TMEM150C: variants seen among roughly 807,000 people sequenced by gnomAD.
TMEM150C encodes tentonin 3.
In TMEM150C, 10 loss-of-function variants were observed where a neutral mutation model predicts 29.9. That is an observed-to-expected ratio of 0.33 (90% CI 0.21 to 0.57). The LOEUF (loss-of-function observed/expected upper bound fraction) is 0.57, where lower values mean the gene tolerates loss of function less well. Among genes scored for constraint, TMEM150C ranks in the 20% least tolerant of loss-of-function variants. TMEM150C has a pLI of 0.88. For synonymous variants in TMEM150C, 101 were observed against 112.5 expected, an observed-to-expected ratio of 0.90 and a Z score of 0.64; for missense variants, 251 against 303.6, an observed-to-expected ratio of 0.83 and a Z score of 1.29.
chr4:82,539,009 G>A (rs1725110891), intron 1 of TMEM150C, among the ~76,000 whole-genome samples: 1 of 152,192 alleles, frequency 6.6e-6, no homozygotes, highest in South Asian at 2.1e-4. Context: ...CAAAGCTGCA[G>A]TGAGCTGAGA....
Position 82,503,897 on chromosome 4 carries a change from A to G in TMEM150C, c.80+681T>C, listed in dbSNP as rs7655329. Reference sequence around the variant, plus strand: ...CAAAAAACAAAAACATATCAGACCCAATCATGAATAACTGGACTATGAACT... The same window carrying G: ...CAAAAAACAAAAACATATCAGACCCGATCATGAATAACTGGACTATGAACT... On this transcript the variant is annotated intron_variant, in intron 2 of 7. Transcript: ENST00000449862. Among the ~76,000 whole-genome samples the G allele has an allele frequency of 7.9e-3, 1,206 of 152,252 alleles. 15 individuals carry two copies. The highest frequency in any genetic ancestry group is 0.028 in the African/African-American group (1,151 of 41,538).
chr4:82,508,289 C>T (rs867837803), intron 1 of TMEM150C, among the ~76,000 whole-genome samples: 6 of 152,024 alleles, frequency 3.9e-5, no homozygotes, highest in African/African-American at 1.2e-4. Flanking sequence ...ATATTCCATA[C>T]TCCTAAAATA....
rs145631863 is a variant in TMEM150C, at chr4:82,528,243, T to C, written c.-10-23576A>G. On this transcript the variant is annotated intron_variant, in intron 1 of 7. Transcript: ENST00000449862. Reference sequence around the variant, plus strand: ...ATGCTGGGCCATGAAGAATGAGTCATTCACCAGTGCAGGGGCTCTCGAACT... The same window carrying C: ...ATGCTGGGCCATGAAGAATGAGTCACTCACCAGTGCAGGGGCTCTCGAACT... 9.2e-5 allele frequency among the ~76,000 whole-genome samples: 14 copies of C among 152,340 alleles called. No homozygotes were observed. The East Asian group carries it at 2.7e-3, about 29-fold the overall frequency.
chr4:82,496,617 A>G (rs1442186875), intron 5 of TMEM150C, among the ~76,000 whole-genome samples: 6 of 152,218 alleles, frequency 3.9e-5, no homozygotes, highest in Non-Finnish European at 7.3e-5. Context: ...GCACACAACA[A>G]ATAAGATGGG....
At chr4:82,505,751 C>A (rs140616346) in intron 1 of TMEM150C, among the ~76,000 whole-genome samples, 1 of 151,984 alleles carries the variant, frequency 6.6e-6, no homozygotes, top group African/African-American at 2.4e-5. Context: ...ATATGTCTGG[C>A]GTTTTGGAGG....
Position 82,483,369 on chromosome 4 carries a change from A to C in TMEM150C, c.*2142T>G, listed in dbSNP as rs1196419694. The C allele has an allele frequency of 6.6e-6, 1 of 152,236 alleles. No homozygotes were observed. The highest frequency in any genetic ancestry group is 1.5e-5 in the Non-Finnish European group (1 of 68,040). The allele number at this position is 152,236 out of a possible 1,614,324, so 9.4% of individuals were successfully genotyped here. ...CTTTGTTCTTTGATAAAAATTTTAA[A>C]ATATAAAAATGAAAAAAAGAAACCC... On this transcript the variant is annotated 3_prime_UTR_variant, in exon 8 of 8. Coordinates refer to ENST00000449862, the MANE Select transcript of TMEM150C (RefSeq NM_001080506.3).
chr4:82,500,343 G>A (rs1723698732), intron 5 of TMEM150C, among the ~76,000 whole-genome samples: 1 of 152,212 alleles, frequency 6.6e-6, no homozygotes, highest in Admixed American at 6.5e-5. Context: ...TCTAACAAGG[G>A]CAGGCCTGGG....
intron 5 of TMEM150C, among the ~76,000 whole-genome samples, chr4:82,502,388 A>T (rs1360892228): frequency 6.6e-6 from 1 of 152,230 alleles, no homozygotes; most frequent in Non-Finnish European, 1.5e-5. Flanking sequence ...TAAATAAAGC[A>T]TTCTTTTCAA....
At chr4:82,559,470 G>C (rs1254192371) in intron 1 of TMEM150C, among the ~76,000 whole-genome samples, 1 of 152,062 alleles carries the variant, frequency 6.6e-6, no homozygotes, top group African/African-American at 2.4e-5. Context: ...CAGGAGAATC[G>C]CTTGAACCCA....
intron 1 of TMEM150C, among the ~76,000 whole-genome samples, chr4:82,513,227 G>T (rs946023837): frequency 6.6e-6 from 1 of 152,188 alleles, no homozygotes; most frequent in African/African-American, 2.4e-5. Context: ...CTGGGAAAAA[G>T]CTTCCAGAGG....
At chr4:82,517,756 T>C (rs1006055698) in intron 1 of TMEM150C, among the ~76,000 whole-genome samples, 2 of 152,340 alleles carry the variant, frequency 1.3e-5, no homozygotes, top group South Asian at 2.1e-4. Flanking sequence ...ATCTTGCAGA[T>C]GGCAGATCAT....
intron 1 of TMEM150C, among the ~76,000 whole-genome samples, chr4:82,556,495 T>A (rs56750217): frequency 0.027 from 4,085 of 152,288 alleles, 175 homozygotes; most frequent in African/African-American, 0.092. Context: ...AATACTACAG[T>A]AAGTGTTGTA....
chr4:82,555,207 A>G (rs757670944), intron 1 of TMEM150C, among the ~76,000 whole-genome samples: 2 of 152,200 alleles, frequency 1.3e-5, no homozygotes, highest in Non-Finnish European at 2.9e-5. Flanking sequence ...ATTGTTTTCT[A>G]TTTATTTTAT....
At chr4:82,488,834 G>C (rs180948035) in intron 7 of TMEM150C, among the ~76,000 whole-genome samples, 5 of 152,206 alleles carry the variant, frequency 3.3e-5, no homozygotes, top group Non-Finnish European at 7.4e-5. Flanking sequence ...GCCCAGGCTG[G>C]TCTTGAACTC....
intron 1 of TMEM150C, among the ~76,000 whole-genome samples, chr4:82,526,781 A>C: frequency 6.6e-6 from 1 of 152,122 alleles, no homozygotes; most frequent in East Asian, 1.9e-4. Flanking sequence ...TTAAAACTAG[A>C]TGGCCTCGCT....
intron 1 of TMEM150C, among the ~76,000 whole-genome samples, chr4:82,546,992 G>T (rs938079352): frequency 1.3e-5 from 2 of 152,030 alleles, no homozygotes; most frequent in Non-Finnish European, 2.9e-5. Flanking sequence ...CTTGGGAAAA[G>T]AATTTATGAC....
intron 1 of TMEM150C, among the ~76,000 whole-genome samples, chr4:82,539,545 C>G (rs987950679): frequency 6.6e-6 from 1 of 152,026 alleles, no homozygotes; most frequent in Non-Finnish European, 1.5e-5. Context: ...CTCCGCCTCC[C>G]GGGTTCACGC....
chr4:82,557,737 T>C (rs957506086), intron 1 of TMEM150C, among the ~76,000 whole-genome samples: 4 of 146,528 alleles, frequency 2.7e-5, no homozygotes, highest in Admixed American at 2.7e-4. Context: ...TCTTTTTCTT[T>C]TTTTTTTTTT....
chr4:82,529,661 C>G (rs1270176495), intron 1 of TMEM150C, among the ~76,000 whole-genome samples: 1 of 152,040 alleles, frequency 6.6e-6, no homozygotes, highest in Admixed American at 6.6e-5. Context: ...GGAGAGAGGT[C>G]AAGGGATTGG....
Sources: allele counts gnomAD v4.1 joint callset (sites outside exome capture counted in the v4.1 genomes callset), GRCh38; gene constraint gnomAD v4.1.1; transcripts MANE v1.5; gene names NCBI Gene and HGNC (gene_info 2026-07-23, HGNC 2026-07-21).